The following KIAA1755 variants were observed in gnomAD, a reference collection of about 807,000 sequenced individuals.
KIAA1755 encodes the protein KIAA1755.
KIAA1755 carries 68 observed loss-of-function variants against 91.7 expected under a neutral mutation model. That is an observed-to-expected ratio of 0.74 (90% CI 0.61 to 0.91). The LOEUF is 0.91. Among genes scored for constraint, KIAA1755 ranks in the 40% least tolerant of loss-of-function variants. The pLI, the probability that KIAA1755 is intolerant of heterozygous loss-of-function variation, is 0.00. For missense variants in KIAA1755, 1,535 were observed against 1,494.4 expected, an observed-to-expected ratio of 1.03 and a Z score of -0.45; for synonymous variants, 610 against 604.6, an observed-to-expected ratio of 1.01 and a Z score of -0.13.
chr20:38,241,002 G>A lies in KIAA1755; in HGVS notation c.1129C>T (p.Leu377Phe), dbSNP rs2076050224. 1 of 1,614,206 alleles carries A rather than the reference G, an allele frequency of 6.2e-7. No individual in the cohort carries two copies. Among genetic ancestry groups the A allele is most frequent in the Non-Finnish European group, 8.5e-7 (1 of 1,180,040 alleles). ...RPPQGSYMNV[L>F]EDALDCASGL... ...GAGGCACAGTCCAGTGCGTCCTCAAGGACATTCATGTAGGAGCCTTGGGGC... is the reference window on the plus strand; with the variant it reads ...GAGGCACAGTCCAGTGCGTCCTCAAAGACATTCATGTAGGAGCCTTGGGGC... The change falls in exon 3 of 14, where the codon CTT (leucine) becomes TTT (phenylalanine). Residue 377 changes from leucine to phenylalanine, a missense_variant. Transcript: ENST00000279024.
intron 4 of KIAA1755, among the ~76,000 whole-genome samples, chr20:38,236,389 A>G (rs1000772525): frequency 6.6e-6 from 1 of 152,164 alleles, no homozygotes; most frequent in Admixed American, 6.5e-5. Flanking sequence ...GCCTGGAGAG[A>G]GCATTTACAG....
chr20:38,227,401 C>T (rs985142158), intron 6 of KIAA1755, among the ~76,000 whole-genome samples, 161 bp from the exon 7 acceptor site: 5 of 152,220 alleles, frequency 3.3e-5, no homozygotes, highest in African/African-American at 7.2e-5. Context: ...ACGTTTGGAC[C>T]GTGAATCATT....
In KIAA1755 at chr20:38,240,983, C is replaced by G. The variant is rs61745896; in HGVS notation, c.1148G>C (p.Cys383Ser). 1,521 of 1,614,170 alleles carry G rather than the reference C, an allele frequency of 9.4e-4. 11 individuals are homozygous for G. The African/African-American group carries it at 0.018, about 19-fold the overall frequency. ...GACACCTGCCCTGAGACCAGAGGCA[C>G]AGTCCAGTGCGTCCTCAAGGACATT... ...YMNVLEDALD[C>S]ASGLRAGVSQ... The change falls in exon 3 of 14, where the codon TGT becomes TCT. Residue 383 changes from cysteine to serine, a missense_variant. Physicochemically the swap from Cys to Ser is moderately radical, Grantham distance 112 (BLOSUM62 -1). Transcript: ENST00000279024.
At chr20:38,232,646 A>T (rs892953122) in intron 4 of KIAA1755, among the ~76,000 whole-genome samples, 40 of 150,886 alleles carry the variant, frequency 2.7e-4, no homozygotes, top group Non-Finnish European at 5.0e-4. Flanking sequence ...AAAAAAAAAA[A>T]TTTGTGTGTA....
intron 1 of KIAA1755, among the ~76,000 whole-genome samples, chr20:38,255,302 T>C (rs886667317): frequency 6.6e-6 from 1 of 152,154 alleles, no homozygotes; most frequent in African/African-American, 2.4e-5. Flanking sequence ...AGACAGACAC[T>C]GGCTGAGTGT....
chr20:38,241,257 T>C lies in KIAA1755; in HGVS notation c.874A>G (p.Arg292Gly). The change falls in exon 3 of 14, where the codon AGG (arginine) becomes GGG (glycine). Residue 292 changes from arginine (R) to glycine (G), a missense_variant. Physicochemically the swap from Arg to Gly is moderately radical, Grantham distance 125. Coordinates refer to ENST00000279024, the MANE Select transcript of KIAA1755 (RefSeq NM_001029864.2). ...CACCCACTGGATGTGCCTGCCTCCC[T>C]ACTGGGAGACTCTCCTCTGCTCTCT... ...SQESRGESPS[R>G]EAGTSSGCTS... 6.2e-7 allele frequency: 1 copy of C among 1,614,090 alleles called. No individual in the cohort carries two copies. Among genetic ancestry groups the C allele is most frequent in the Non-Finnish European group, 8.5e-7 (1 of 1,179,968 alleles).
chr20:38,228,602 CA>C (rs1327873366), intron 5 of KIAA1755, among the ~76,000 whole-genome samples: 1 of 152,182 alleles, frequency 6.6e-6, no homozygotes, highest in African/African-American at 2.4e-5. Flanking sequence ...TCCAAAAAGC[CA>C]AGTTCCCCCA....
Position 38,240,570 on chromosome 20 carries a change from TG to T in KIAA1755, c.1549+11del. 1 of 1,484,728 alleles carries T rather than the reference TG, an allele frequency of 6.7e-7. No individual in the cohort carries two copies. The allele number at this position is 1,484,728 out of a possible 1,614,324, so 92.0% of individuals were successfully genotyped here. On this transcript the variant is annotated intron_variant, in intron 3 of 13. Transcript: ENST00000279024. ...TAACCTCCTTGTACAGCTGAGCATG[TG>T]GGCATCTTACCTTTCCCCAAAGATT... is the stretch of plus-strand genomic sequence containing the variant.
At chr20:38,229,571 C>CT (rs1454505565) in intron 5 of KIAA1755, among the ~76,000 whole-genome samples, 1 of 152,166 alleles carries the variant, frequency 6.6e-6, no homozygotes, top group African/African-American at 2.4e-5. Context: ...GCCTCTGTCC[C>CT]TAGCACCATG....
In KIAA1755 at chr20:38,240,850, T is replaced by C. The variant is rs555154320; in HGVS notation, c.1281A>G (p.Pro427=). 1.4e-4 allele frequency: 225 copies of C among 1,614,156 alleles called. No individual in the cohort carries two copies. Among genetic ancestry groups the C allele is most frequent in the South Asian group, 3.0e-4 (27 of 91,084 alleles). The change falls in exon 3 of 14, where the codon CCA becomes CCG. Residue 427 remains proline (P), a synonymous_variant. Coordinates refer to ENST00000279024, the MANE Select transcript of KIAA1755 (RefSeq NM_001029864.2). ...PRQASSPRLS[P]ASPAAAASET... The stretch of plus-strand genomic sequence containing the variant: ...CAGAGGCTGCAGCTGCAGGAGAAGC[T>C]GGGGACAGGCGGGGAGAGGAGGCTT...
intron 11 of KIAA1755, among the ~76,000 whole-genome samples, chr20:38,218,728 GGTGT>G: frequency 6.6e-6 from 1 of 152,106 alleles, no homozygotes; most frequent in Admixed American, 6.5e-5. Flanking sequence ...TCCCTGTTCG[GGTGT>G]GTGTGTGTGT....
At chr20:38,253,466 T>A (rs2076286808) in intron 1 of KIAA1755, among the ~76,000 whole-genome samples, 1 of 152,172 alleles carries the variant, frequency 6.6e-6, no homozygotes, top group Non-Finnish European at 1.5e-5. Flanking sequence ...CTGTAACCAC[T>A]TACCCAGATC....
chr20:38,228,914 G>A (rs2075809331), intron 5 of KIAA1755, among the ~76,000 whole-genome samples: 1 of 152,200 alleles, frequency 6.6e-6, no homozygotes, highest in Non-Finnish European at 1.5e-5. Flanking sequence ...TGAGCTTACA[G>A]TGGGCCACTT....
At chr20:38,243,814 T>C (rs993930316) in intron 2 of KIAA1755, among the ~76,000 whole-genome samples, 42 of 152,370 alleles carry the variant, frequency 2.8e-4, no homozygotes, top group African/African-American at 9.6e-4. Flanking sequence ...GGGATAGCGA[T>C]AGCCAATAGC....
Position 38,227,658 on chromosome 20 carries a change from A to C in KIAA1755, c.1966-418T>G, listed in dbSNP as rs144596392. On this transcript the variant is annotated intron_variant, in intron 6 of 13. Transcript: ENST00000279024. The stretch of plus-strand genomic sequence containing the variant: ...CAATCAGTGTGTTGCATTCACCCCC[A>C]GGCCACAGGGTTGGGTGTGGAGGGA... Among the ~76,000 whole-genome samples, 838 of 152,348 alleles carry C rather than the reference A, an allele frequency of 5.5e-3. 12 individuals carry two copies. Among genetic ancestry groups the C allele is most frequent in the African/African-American group, 0.019 (795 of 41,586 alleles).
chr20:38,224,973 GC>G (rs1434638395), intron 8 of KIAA1755, among the ~76,000 whole-genome samples: 1 of 152,088 alleles, frequency 6.6e-6, no homozygotes, highest in African/African-American at 2.4e-5. Flanking sequence ...TAGAGCAAGT[GC>G]CTGTAAATTT....
chr20:38,212,811 T>C lies in KIAA1755; in HGVS notation c.*231A>G. The C allele has an allele frequency of 4.2e-6, 2 of 478,370 alleles. No individual in the cohort carries two copies. The highest frequency in any genetic ancestry group is 6.1e-5 in the East Asian group (2 of 32,582). The allele number at this position is 478,370 out of a possible 1,614,324, so 29.6% of individuals were successfully genotyped here. A position where few individuals can be genotyped will look rare whatever the true frequency, so the allele number is the denominator to read the frequency against. On this transcript the variant is annotated 3_prime_UTR_variant, in exon 14 of 14. Transcript: ENST00000279024. ...GCCAATCACACCATTTATTGTGCCC[T>C]GGTTCTGACGCCCACTCTTGCTATT...
intron 2 of KIAA1755, among the ~76,000 whole-genome samples, chr20:38,242,956 G>A (rs1042398571): frequency 6.6e-6 from 1 of 152,092 alleles, no homozygotes; most frequent in Non-Finnish European, 1.5e-5. Context: ...TGTATAGGTG[G>A]GTACAGAGGG....
intron 13 of KIAA1755, among the ~76,000 whole-genome samples, chr20:38,215,282 C>T (rs747193867): frequency 5.9e-5 from 9 of 152,214 alleles, no homozygotes; most frequent in Non-Finnish European, 1.0e-4. Flanking sequence ...CTACCTCCCC[C>T]GTATGACTTC....
Sources: allele counts gnomAD v4.1 joint callset (sites outside exome capture counted in the v4.1 genomes callset), GRCh38; gene constraint gnomAD v4.1.1; transcripts MANE v1.5; gene names NCBI Gene and HGNC (gene_info 2026-07-23, HGNC 2026-07-21).